Variants in TRIM69 observed in about 807,000 individuals in gnomAD.
TRIM69 encodes E3 ubiquitin-protein ligase TRIM69.
Under a neutral mutation model 37.7 loss-of-function variants are expected in TRIM69, and 29 were observed. The ratio of observed to expected loss-of-function variants is 0.77; its 90% CI spans 0.57 to 1.05. TRIM69 has a LOEUF of 1.05. Ranked by LOEUF, TRIM69 falls within the 50% of genes least tolerant of loss-of-function variation. The probability of loss-of-function intolerance (pLI) is 0.00; values close to 1 mark genes in which losing one functional copy is unlikely to be tolerated. For missense variants in TRIM69, 596 were observed against 579.9 expected, an observed-to-expected ratio of 1.03 and a Z score of -0.28; for synonymous variants, 209 against 212.4, an observed-to-expected ratio of 0.98 and a Z score of 0.14.
At chr15:44,737,281 C>T (rs1165990767) in intron 1 of TRIM69, among the ~76,000 whole-genome samples, 1 of 152,140 alleles carries the variant, frequency 6.6e-6, no homozygotes, top group African/African-American at 2.4e-5. Flanking sequence ...CATCCATTTC[C>T]ACTAGTTTCC....
At chr15:44,739,156 T>C (rs910615381) in intron 1 of TRIM69, among the ~76,000 whole-genome samples, 2 of 152,184 alleles carry the variant, frequency 1.3e-5, no homozygotes, top group African/African-American at 2.4e-5. Context: ...AGAAATTCCA[T>C]ACCCATTATC....
chr15:44,767,752 C>T lies in TRIM69; in HGVS notation c.1483C>T (p.His495Tyr), dbSNP rs1442246522. Residue 495 changes from histidine (H) to tyrosine (Y), a missense_variant, in exon 7 of 7, where the codon CAC (histidine) becomes TAC (tyrosine). Transcript: ENST00000329464. Reference sequence around the variant, plus strand: ...TGGTGGAGAGAATAAAGAACCATTGCACATCTTACATCCACAGTAATGAGT... The same window carrying T: ...TGGTGGAGAGAATAAAGAACCATTGTACATCTTACATCCACAGTAATGAGT... ...NDGGENKEPL[H>Y]ILHPQ 1.9e-6 allele frequency: 3 copies of T among 1,612,226 alleles called. No homozygotes were observed. The South Asian group carries it at 3.3e-5, about 18-fold the overall frequency.
At chr15:44,757,472 A>G (rs1219960209) in intron 3 of TRIM69, 1 of 152,224 alleles carries the variant, frequency 6.6e-6, no homozygotes, top group Non-Finnish European at 1.5e-5. Flanking sequence ...GAGTGGGGAT[A>G]TGAAGGAGGT....
chr15:44,764,480 C>CTGT (rs1184125937), intron 6 of TRIM69, among the ~76,000 whole-genome samples: 2 of 152,104 alleles, frequency 1.3e-5, no homozygotes, highest in African/African-American at 2.4e-5. Context: ...ATAAATTAGG[C>CTGT]TGTTGCTTTA....
intron 1 of TRIM69, among the ~76,000 whole-genome samples, chr15:44,750,894 T>G (rs1276847018): frequency 6.7e-6 from 1 of 148,984 alleles, no homozygotes; most frequent in Non-Finnish European, 1.5e-5. Context: ...CTGGCTGATT[T>G]TTTATCTTTT....
rs869059418 is a variant in TRIM69 at position 44,750,715 on chromosome 15, C to CTTTTTTTTTTTTTTTT, written c.7-4173_7-4158dup. ...TCGCATTTTTATTTCATTACTTTTT[C>CTTTTTTTTTTTTTTTT]TTTTTTTTTTTTTTTTTTTTTTTTT... On this transcript the variant is annotated intron_variant, in intron 1 of 6. Transcript: ENST00000329464. 4.9e-5 allele frequency among the ~76,000 whole-genome samples: 5 copies of CTTTTTTTTTTTTTTTT among 102,838 alleles called. 2 individuals carry two copies. Among genetic ancestry groups the CTTTTTTTTTTTTTTTT allele is most frequent in the African/African-American group, 1.2e-4 (3 of 25,874 alleles). 67.5% of individuals were successfully genotyped at this position (102,838 alleles called of 152,430 possible).
At chr15:44,757,737 G>A (rs1222414555) in intron 3 of TRIM69, 1 of 152,052 alleles carries the variant, frequency 6.6e-6, no homozygotes, top group East Asian at 1.9e-4. Flanking sequence ...GGAGAGACTG[G>A]GTCTCACTAT....
chr15:44,749,485 T>A (rs1407699687), intron 1 of TRIM69, among the ~76,000 whole-genome samples: 1 of 152,230 alleles, frequency 6.6e-6, no homozygotes, highest in East Asian at 1.9e-4. Context: ...TCGTGTAATA[T>A]GTGACCTTTT....
At chr15:44,765,437 T>C (rs779359435) in intron 6 of TRIM69, among the ~76,000 whole-genome samples, 7 of 152,188 alleles carry the variant, frequency 4.6e-5, no homozygotes, top group Non-Finnish European at 7.4e-5. Flanking sequence ...TTAGCCTATA[T>C]GGAAAAATTC....
intron 1 of TRIM69, among the ~76,000 whole-genome samples, chr15:44,742,044 T>A (rs2087299568): frequency 6.6e-6 from 1 of 152,124 alleles, no homozygotes; most frequent in African/African-American, 2.4e-5. Context: ...ATATCCTTGA[T>A]GAACATTGAT....
rs200649837 is a variant in TRIM69 at position 44,767,626 on chromosome 15, C to T, written c.1357C>T (p.Gln453Ter). ...VGIYLDYEGG[Q>*]LSFYNAKTMT... ...CATATACCTGGATTATGAAGGAGGA[C>T]AGTTGTCCTTCTACAATGCTAAAAC... Residue 453 changes from glutamine (Q) to a stop codon, truncating the protein, a stop_gained, in exon 7 of 7, where the codon CAG becomes TAG. Coordinates refer to ENST00000329464, the MANE Select transcript of TRIM69 (RefSeq NM_182985.5). LOFTEE classifies it high-confidence loss of function. The T allele has an allele frequency of 4.0e-5, 64 of 1,614,026 alleles. No homozygotes were observed. In the African/African-American group the frequency reaches 7.9e-4, roughly 20 times the overall value.
chr15:44,745,654 A>G (rs2087390641), intron 1 of TRIM69, among the ~76,000 whole-genome samples: 1 of 152,182 alleles, frequency 6.6e-6, no homozygotes, highest in South Asian at 2.1e-4. Context: ...CAAATAAGGA[A>G]ACCATGAGAC....
intron 1 of TRIM69, among the ~76,000 whole-genome samples, chr15:44,746,750 G>GCACA (rs10561330): frequency 2.1e-3 from 313 of 150,380 alleles, no homozygotes; most frequent in African/African-American, 7.3e-3. Context: ...ACGTGCACGT[G>GCACA]CACACACACA....
In TRIM69 at chr15:44,736,650, C is replaced by T; in HGVS notation, c.-55C>T. The T allele has an allele frequency of 6.2e-7, 1 of 1,607,382 alleles. No homozygotes were observed. Among genetic ancestry groups the T allele is most frequent in the Non-Finnish European group, 8.5e-7 (1 of 1,177,154 alleles). On this transcript the variant is annotated 5_prime_UTR_variant, in exon 1 of 7. Transcript: ENST00000329464. ...ACTCCCAGTCTGCAGCCATCCTGGG[C>T]CTGCTGAGCTCTGATTCAAGTGCCT...
At chr15:44,765,567 A>G (rs1447573129) in intron 6 of TRIM69, among the ~76,000 whole-genome samples, 1 of 152,154 alleles carries the variant, frequency 6.6e-6, no homozygotes, top group Non-Finnish European at 1.5e-5. Context: ...CCTGGCCAAC[A>G]TGGTGAAATC....
chr15:44,741,511 A>T lies in TRIM69; in HGVS notation c.6+4801A>T, dbSNP rs1359436970. ...AAGAGACACAATAAACCCTTCAAAA[A>T]GTTAATGAATCCAGGAGCTGGTTTT... On this transcript the variant is annotated intron_variant, in intron 1 of 6. Transcript: ENST00000329464. 3.3e-5 allele frequency among the ~76,000 whole-genome samples: 5 copies of T among 152,250 alleles called. No individual in the cohort carries two copies. The East Asian group carries it at 9.6e-4, about 29-fold the overall frequency.
chr15:44,754,818 C>T, intron 1 of TRIM69, 82 bp from the exon 2 acceptor site: 2 of 1,069,888 alleles, frequency 1.9e-6, no homozygotes, highest in East Asian at 2.4e-5. Flanking sequence ...TTTTCAGCTC[C>T]TTTAGGAATG....
intron 1 of TRIM69, among the ~76,000 whole-genome samples, chr15:44,743,190 C>T (rs1163041046): frequency 1.3e-5 from 2 of 152,024 alleles, no homozygotes; most frequent in Admixed American, 6.5e-5. Flanking sequence ...CCTTTGGAAA[C>T]CTGAGAAAAA....
At chr15:44,743,395 T>C (rs935138156) in intron 1 of TRIM69, among the ~76,000 whole-genome samples, 1 of 152,200 alleles carries the variant, frequency 6.6e-6, no homozygotes, top group African/African-American at 2.4e-5. Context: ...ATTCAGGACA[T>C]AGGCATGGGC....
Sources: gnomAD v4.1 joint callset for allele counts (sites outside exome capture counted in the v4.1 genomes callset) on GRCh38, gnomAD v4.1.1 for gene constraint, MANE v1.5 for transcripts, NCBI Gene and HGNC (gene_info 2026-07-23, HGNC 2026-07-21) for gene names.